The following NPAS2 variants were observed in gnomAD, a reference collection of about 807,000 sequenced individuals.
NPAS2 encodes the protein neuronal PAS domain-containing protein 2.
A neutral mutation model predicts 107.5 loss-of-function variants in NPAS2; 23 were observed. The observed-to-expected ratio is 0.21, with a 90% CI of 0.15 to 0.30. The LOEUF is 0.30. Among genes scored for constraint, NPAS2 ranks in the 10% least tolerant of loss-of-function variants. The probability of loss-of-function intolerance (pLI) is 1.00; values close to 1 mark genes in which losing one functional copy is unlikely to be tolerated. For missense variants in NPAS2, 756 were observed against 1,043.3 expected (o/e 0.72, Z 3.79); for synonymous variants, 403 against 417.5 (o/e 0.97, Z 0.42).
At chr2:100,880,806 C>G (rs796333577) in intron 1 of NPAS2, among the ~76,000 whole-genome samples, 3 of 152,124 alleles carry the variant, frequency 2.0e-5, no homozygotes, top group African/African-American at 7.2e-5. Flanking sequence ...TTCTGTGTGA[C>G]CCCTGGACAT....
At chr2:100,871,578 G>A (rs1276137378) in intron 1 of NPAS2, among the ~76,000 whole-genome samples, 1 of 151,950 alleles carries the variant, frequency 6.6e-6, no homozygotes, top group Admixed American at 6.6e-5. Flanking sequence ...TGATCTGCCC[G>A]CCTTATCCTC....
intron 16 of NPAS2, chr2:100,986,580 C>A (rs941588873): frequency 3.2e-4 from 49 of 152,308 alleles, no homozygotes; most frequent in African/African-American, 1.2e-3. Flanking sequence ...GACACAGTGC[C>A]ATCTGATGTT....
chr2:100,904,831 C>CG (rs2104775307), intron 2 of NPAS2, 45 bp downstream of exon 2: 1 of 1,439,624 alleles, frequency 6.9e-7, no homozygotes, highest in East Asian at 2.3e-5. Flanking sequence ...CTCTGGCCCC[C>CG]GGGGGTCTGC....
chr2:100,843,991 A>G (rs1677610936), intron 1 of NPAS2, among the ~76,000 whole-genome samples: 1 of 152,008 alleles, frequency 6.6e-6, no homozygotes, highest in Admixed American at 6.5e-5. Context: ...TACACCAAGA[A>G]GAGGTGAGAA....
At chr2:100,926,915 T>C (rs1438654060) in intron 3 of NPAS2, among the ~76,000 whole-genome samples, 1 of 151,700 alleles carries the variant, frequency 6.6e-6, no homozygotes, top group Non-Finnish European at 1.5e-5. Flanking sequence ...TCTAAAAGGT[T>C]TATAACCTTT....
intron 7 of NPAS2, among the ~76,000 whole-genome samples, chr2:100,959,447 G>A (rs905892180): frequency 1.3e-5 from 2 of 152,122 alleles, no homozygotes; most frequent in South Asian, 2.1e-4. Flanking sequence ...GGATTATCAC[G>A]GTGCTCTCCT....
chr2:100,907,182 T>G (rs1682209358), intron 2 of NPAS2, among the ~76,000 whole-genome samples: 1 of 152,180 alleles, frequency 6.6e-6, no homozygotes, highest in Admixed American at 6.5e-5. Context: ...AAAATGCATG[T>G]TTAGGCTCTA....
Position 100,995,676 on chromosome 2 carries a change from C to G in NPAS2, c.*94C>G. ...GGGGAGAGGAGTCTGAACTAAACCC[C>G]TGGCTTTTGTGCACACTGCATACGT... On this transcript the variant is annotated 3_prime_UTR_variant, in exon 21 of 21. Coordinates refer to ENST00000335681, the MANE Select transcript of NPAS2 (RefSeq NM_002518.4). 1 of 1,551,018 alleles carries G rather than the reference C, an allele frequency of 6.4e-7. No homozygotes were observed. The highest frequency in any genetic ancestry group is 1.2e-5 in the South Asian group (1 of 84,682).
chr2:100,962,525 C>A (rs1675972156), intron 7 of NPAS2, among the ~76,000 whole-genome samples: 1 of 152,190 alleles, frequency 6.6e-6, no homozygotes, highest in Non-Finnish European at 1.5e-5. Flanking sequence ...ACTGGTGAAC[C>A]TGCAGAGCCT....
At chr2:100,985,100 TTCC>T (rs1438989754) in intron 16 of NPAS2, 1 of 152,078 alleles carries the variant, frequency 6.6e-6, no homozygotes, top group African/African-American at 2.4e-5. Flanking sequence ...AAATGACGTG[TTCC>T]TCAACTGGTT....
chr2:100,965,639 G>C lies in NPAS2; in HGVS notation c.801-21G>C. On this transcript the variant is annotated intron_variant, in intron 9 of 20. Transcript: ENST00000335681. The surrounding 1 kb of genome is among the most constrained non-coding windows in gnomAD (Gnocchi z 4.3). ...CAGGGTGTCTCCTCCCTGATGACAA[G>C]TCCTCCTTGTCCTTGTGCAGAGCAC... 6.4e-7 allele frequency: 1 copy of C among 1,568,508 alleles called. No homozygotes were observed. The highest frequency in any genetic ancestry group is 8.8e-7 in the Non-Finnish European group (1 of 1,139,544).
At chr2:100,941,764 G>A (rs1674587983) in intron 5 of NPAS2, among the ~76,000 whole-genome samples, 1 of 152,120 alleles carries the variant, frequency 6.6e-6, no homozygotes, top group East Asian at 1.9e-4. Context: ...GACAGAATGG[G>A]GAAAGAGTAC....
chr2:100,916,032 T>G (rs1682862197), intron 2 of NPAS2, among the ~76,000 whole-genome samples: 1 of 152,126 alleles, frequency 6.6e-6, no homozygotes. Context: ...AAGTGGACTT[T>G]GAAAAGACAA....
rs147706345 is a variant in NPAS2, at chr2:100,993,350, C to T, written c.2115C>T (p.Tyr705=). Residue 705 remains tyrosine (Y), a synonymous_variant, in exon 20 of 21, where the codon TAC becomes TAT. Coordinates refer to ENST00000335681, the MANE Select transcript of NPAS2 (RefSeq NM_002518.4). ...TTCTCCTTCCCACGTGAAACAGGTA[C>T]GCCCAGAGCCAGACCGTGTTTCAAA... ...EVSRTGRQVK[Y]AQSQTVFQNP... The T allele has an allele frequency of 3.3e-4, 518 of 1,579,382 alleles. 2 individuals are homozygous for T. In the East Asian group the frequency reaches 9.1e-3, roughly 28 times the overall value.
chr2:100,821,328 C>T (rs1573390418), intron 1 of NPAS2: 3 of 798,510 alleles, frequency 3.8e-6, no homozygotes, highest in East Asian at 1.4e-4. Flanking sequence ...AGCTTGTGTC[C>T]GGGAGGCTTT....
chr2:100,967,586 A>G (rs1676300476), intron 10 of NPAS2, among the ~76,000 whole-genome samples: 1 of 152,090 alleles, frequency 6.6e-6, no homozygotes, highest in South Asian at 2.1e-4. Flanking sequence ...ATTTACCTAA[A>G]GAGGTGCTAA....
At chr2:100,924,428 G>A (rs1452771230) in intron 2 of NPAS2, among the ~76,000 whole-genome samples, 1 of 152,238 alleles carries the variant, frequency 6.6e-6, no homozygotes, top group Non-Finnish European at 1.5e-5. Flanking sequence ...TGCTGTCTCT[G>A]TAGTTTTGCA....
At chr2:100,926,691 A>C (rs1297042705) in intron 3 of NPAS2, among the ~76,000 whole-genome samples, 1 of 152,056 alleles carries the variant, frequency 6.6e-6, no homozygotes. Flanking sequence ...TAGATACTAG[A>C]CCCTTATCTG....
chr2:100,988,588 G>T, intron 17 of NPAS2: 1 of 383,028 alleles, frequency 2.6e-6, no homozygotes, highest in Non-Finnish European at 4.8e-6. Flanking sequence ...GGCAGATATG[G>T]CCATCCCAGA....
Sources: allele counts gnomAD v4.1 joint callset (sites outside exome capture counted in the v4.1 genomes callset), GRCh38; gene constraint gnomAD v4.1.1; non-coding constraint Gnocchi (gnomAD v3.1); transcripts MANE v1.5; gene names NCBI Gene and HGNC (gene_info 2026-07-23, HGNC 2026-07-21).